The following ANKFN1 variants were observed in gnomAD, a reference collection of about 807,000 sequenced individuals.
ANKFN1 encodes the protein ankyrin repeat and fibronectin type III domain containing 1.
A neutral mutation model predicts 108.7 loss-of-function variants in ANKFN1; 74 were observed. The observed-to-expected ratio is 0.68, with a 90% CI of 0.56 to 0.83. The LOEUF (loss-of-function observed/expected upper bound fraction) is 0.83, where lower values mean the gene tolerates loss of function less well. ANKFN1 is among the 40% of genes least tolerant of loss of function. ANKFN1 has a pLI of 0.00. For synonymous variants in ANKFN1, 547 were observed against 516.2 expected (o/e 1.06, Z -0.81); for missense variants, 1,505 against 1,382.3 (o/e 1.09, Z -1.41).
At chr17:56,477,291 C>T (rs1003947623) in intron 15 of ANKFN1, among the ~76,000 whole-genome samples, 197 bp from the exon 16 acceptor site, 7 of 152,058 alleles carry the variant, frequency 4.6e-5, no homozygotes, top group African/African-American at 1.7e-4. Context: ...ATTACCTGGC[C>T]AAGAATTCTG....
chr17:56,479,340 T>C (rs1273428149), intron 16 of ANKFN1, among the ~76,000 whole-genome samples: 1 of 152,220 alleles, frequency 6.6e-6, no homozygotes, highest in Non-Finnish European at 1.5e-5. Context: ...GTTAGCCACG[T>C]TGTCCTTTAG....
In ANKFN1 at chr17:56,095,457, A is replaced by G. The variant is rs779205934; in HGVS notation, c.288+49132A>G. ...CAGGTGCATGCCGCCACACCCAGCT[A>G]ATTTTTGCGTCTTTTTGTTGTTGTT... On this transcript the variant is annotated intron_variant, in intron 4 of 12. Coordinates refer to the ANKFN1 transcript ENST00000635860. Among the ~76,000 whole-genome samples the G allele has an allele frequency of 1.8e-4, 27 of 150,668 alleles. 1 individual carries two copies. The highest frequency in any genetic ancestry group is 2.8e-4 in the Non-Finnish European group (19 of 67,612).
At chr17:56,157,734 C>G (rs1263873794) in intron 1 of ANKFN1, among the ~76,000 whole-genome samples, 1 of 152,212 alleles carries the variant, frequency 6.6e-6, no homozygotes, top group Non-Finnish European at 1.5e-5. Flanking sequence ...CAAGTGATTA[C>G]TTACCTACCT....
intron 4 of ANKFN1, among the ~76,000 whole-genome samples, chr17:56,115,950 T>A (rs1019100543): frequency 9.2e-5 from 14 of 152,246 alleles, no homozygotes; most frequent in African/African-American, 2.9e-4. Flanking sequence ...CTATTACATT[T>A]TAGAGGACAA....
intron 4 of ANKFN1, among the ~76,000 whole-genome samples, chr17:56,090,998 A>C (rs1437916385): frequency 6.6e-6 from 1 of 151,296 alleles, no homozygotes; most frequent in Non-Finnish European, 1.5e-5. Context: ...TCTCTGGGAC[A>C]CACTTGTGAA....
At chr17:56,374,761 T>C (rs747479310) in intron 8 of ANKFN1, 47 bp downstream of exon 8, 1 of 1,447,906 alleles carries the variant, frequency 6.9e-7, no homozygotes, top group Non-Finnish European at 9.6e-7. Flanking sequence ...TAAAAAAGCA[T>C]CTGCTGTTTG....
intron 3 of ANKFN1, among the ~76,000 whole-genome samples, chr17:56,319,943 ATTATTTC>A (rs979884745): frequency 1.3e-5 from 2 of 152,118 alleles, no homozygotes; most frequent in Non-Finnish European, 2.9e-5. Context: ...CATATTATGT[ATTATTTC>A]TTATTTCTTG....
At chr17:56,506,989 A>G (rs2051592244) in intron 20 of ANKFN1, among the ~76,000 whole-genome samples, 1 of 152,228 alleles carries the variant, frequency 6.6e-6, no homozygotes. Flanking sequence ...GCTGGCTCAC[A>G]GTAAGCACTA....
intron 3 of ANKFN1, among the ~76,000 whole-genome samples, chr17:56,304,830 A>G (rs1333459430): frequency 2.0e-5 from 3 of 152,164 alleles, no homozygotes; most frequent in Non-Finnish European, 4.4e-5. Context: ...CATTTTTGCC[A>G]TCTATAAAAC....
intron 1 of ANKFN1, among the ~76,000 whole-genome samples, chr17:56,208,122 G>A (rs915942707): frequency 1.3e-5 from 2 of 152,150 alleles, no homozygotes; most frequent in African/African-American, 4.8e-5. Context: ...CAATTCTCCT[G>A]CCTCAGCCTC....
chr17:56,382,879 G>T (rs1403430497), intron 8 of ANKFN1, among the ~76,000 whole-genome samples: 1 of 152,094 alleles, frequency 6.6e-6, no homozygotes, highest in Non-Finnish European at 1.5e-5. Flanking sequence ...CAATAATAAT[G>T]GGAGACTTTA....
chr17:56,303,772 C>T lies in ANKFN1; in HGVS notation c.54-22449C>T, dbSNP rs543888684. Among the ~76,000 whole-genome samples the T allele has an allele frequency of 1.6e-3, 242 of 152,114 alleles. 7 individuals are homozygous for T. In the South Asian group the frequency reaches 0.045, roughly 28 times the overall value. On this transcript the variant is annotated intron_variant, in intron 3 of 20. Transcript: ENST00000682825. ...CAATCTCAGCTCACTGCGACCTCCA[C>T]CTCCCGGGTTCAAGTGATTCTCCTG...
intron 1 of ANKFN1, among the ~76,000 whole-genome samples, chr17:56,209,525 C>T (rs1914804764): frequency 6.6e-6 from 1 of 152,102 alleles, no homozygotes; most frequent in Non-Finnish European, 1.5e-5. Context: ...TGGCTGAATG[C>T]CTGAAGATAA....
At chr17:56,454,750 C>G (rs1568014351) in intron 11 of ANKFN1, among the ~76,000 whole-genome samples, 1 of 152,184 alleles carries the variant, frequency 6.6e-6, no homozygotes, top group East Asian at 1.9e-4. Context: ...TCTGAGAACC[C>G]AATAGGGAAA....
At chr17:56,462,384 C>T (rs773909792) in intron 14 of ANKFN1, among the ~76,000 whole-genome samples, 2 of 152,150 alleles carry the variant, frequency 1.3e-5, no homozygotes, top group East Asian at 3.9e-4. Context: ...CACCTGTGGT[C>T]GGGAGTTCGA....
At chr17:56,510,207 A>G (rs957577682) in intron 20 of ANKFN1, among the ~76,000 whole-genome samples, 3 of 152,214 alleles carry the variant, frequency 2.0e-5, no homozygotes, top group South Asian at 2.1e-4. Context: ...CTCTACTTCT[A>G]TCTGGGCTGA....
At chr17:56,320,607 C>T (rs1317313932) in intron 3 of ANKFN1, among the ~76,000 whole-genome samples, 2 of 152,030 alleles carry the variant, frequency 1.3e-5, no homozygotes, top group East Asian at 1.9e-4. Flanking sequence ...GGATTCATAG[C>T]TTGAGAATTC....
At chr17:56,074,312 C>T (rs750246550) in intron 4 of ANKFN1, among the ~76,000 whole-genome samples, 42 of 152,212 alleles carry the variant, frequency 2.8e-4, no homozygotes, top group Non-Finnish European at 4.0e-4. Flanking sequence ...GGGGCACCCA[C>T]GGCTCCATTA....
At chr17:56,434,083 GAGCAATTAACA>G (rs1282204971) in intron 8 of ANKFN1, among the ~76,000 whole-genome samples, 5 of 152,108 alleles carry the variant, frequency 3.3e-5, no homozygotes. Flanking sequence ...ACTATTAGGA[GAGCAATTAACA>G]AGCAAATGGT....
Sources: allele counts gnomAD v4.1 joint callset (sites outside exome capture counted in the v4.1 genomes callset), GRCh38; gene constraint gnomAD v4.1.1; transcripts MANE v1.5; gene names NCBI Gene and HGNC (gene_info 2026-07-23, HGNC 2026-07-21).